Variants in MAP3K5 observed in about 807,000 individuals in gnomAD.
MAP3K5 encodes mitogen-activated protein kinase kinase kinase 5.
A neutral mutation model predicts 158.7 loss-of-function variants in MAP3K5; 56 were observed. That is an observed-to-expected ratio of 0.35 (90% CI 0.28 to 0.44). The LOEUF (loss-of-function observed/expected upper bound fraction) is 0.44. MAP3K5 is among the 20% of genes least tolerant of loss of function. MAP3K5 has a pLI of 1.00. For missense variants in MAP3K5, 1,294 were observed against 1,674.8 expected (o/e 0.77, Z 3.97); for synonymous variants, 579 against 601.7 (o/e 0.96, Z 0.55).
intron 7 of MAP3K5, among the ~76,000 whole-genome samples, chr6:136,685,592 C>T (rs966585297): frequency 6.6e-6 from 1 of 152,144 alleles, no homozygotes; most frequent in Non-Finnish European, 1.5e-5. Flanking sequence ...CTTGGGTTCT[C>T]TTTCCATTGA....
At chr6:136,769,380 C>A (rs1025002724) in intron 1 of MAP3K5, among the ~76,000 whole-genome samples, 1 of 151,988 alleles carries the variant, frequency 6.6e-6, no homozygotes, top group Non-Finnish European at 1.5e-5. Context: ...CAAATTGGTA[C>A]AGGGTTTATT....
chr6:136,663,226 T>A lies in MAP3K5; in HGVS notation c.1367-3848A>T, dbSNP rs1325889419. 2.0e-5 allele frequency among the ~76,000 whole-genome samples: 3 copies of A among 152,182 alleles called. No homozygotes were observed. The South Asian group carries it at 6.2e-4, about 31-fold the overall frequency. On this transcript the variant is annotated intron_variant, in intron 8 of 29. Transcript: ENST00000359015. ...CACCTTATAAGTGGTGGAGGTTAGA[T>A]CCTTTTTAATTTTCCATCATGAAGA...
chr6:136,678,149 T>C (rs911480724), intron 7 of MAP3K5, among the ~76,000 whole-genome samples: 1 of 151,972 alleles, frequency 6.6e-6, no homozygotes. Context: ...ATTTTCTGGG[T>C]TTTTTTTATT....
At chr6:136,675,471 A>T (rs753611257) in intron 7 of MAP3K5, among the ~76,000 whole-genome samples, 23 of 152,126 alleles carry the variant, frequency 1.5e-4, no homozygotes, top group Non-Finnish European at 2.6e-4. Flanking sequence ...TAATTAAACC[A>T]CAGAACAATA....
intron 1 of MAP3K5, among the ~76,000 whole-genome samples, chr6:136,789,132 C>CA (rs202059778): frequency 5.3e-5 from 8 of 151,514 alleles, no homozygotes; most frequent in East Asian, 1.9e-4. Flanking sequence ...CCCGTCTCTA[C>CA]AAAAAAAACA....
chr6:136,757,435 G>C (rs1223389653), intron 1 of MAP3K5, among the ~76,000 whole-genome samples: 1 of 152,112 alleles, frequency 6.6e-6, no homozygotes, highest in Non-Finnish European at 1.5e-5. Flanking sequence ...TGAGCTGTCT[G>C]TCTAGTCAGA....
chr6:136,654,745 CTCT>C (rs1226475494), intron 10 of MAP3K5, among the ~76,000 whole-genome samples: 2 of 152,088 alleles, frequency 1.3e-5, no homozygotes, highest in East Asian at 3.9e-4. Context: ...CATGCCTGGC[CTCT>C]TCTTATTTTA....
chr6:136,712,923 C>T (rs1313801114), intron 2 of MAP3K5, among the ~76,000 whole-genome samples: 3 of 152,142 alleles, frequency 2.0e-5, no homozygotes, highest in Non-Finnish European at 4.4e-5. Flanking sequence ...GTGAGGCCTC[C>T]CCAGCCACAT....
intron 15 of MAP3K5, among the ~76,000 whole-genome samples, chr6:136,619,176 C>T (rs1776696870): frequency 6.6e-6 from 1 of 152,106 alleles, no homozygotes; most frequent in African/African-American, 2.4e-5. Context: ...CAGAGAAGAC[C>T]TCTCTGAGGG....
chr6:136,614,244 G>A lies in MAP3K5; in HGVS notation c.2193C>T (p.His731=). Residue 731 remains histidine, a synonymous_variant, in exon 16 of 30, where the codon CAC becomes CAT. Transcript: ENST00000359015. ...ACTGGACAATATTTTTGTGCTTCAG[G>A]TGTTTATGCAATGCTATTTCTTCAT... ...PLHEEIALHK[H]LKHKNIVQYL... 1 of 1,613,692 alleles carries A rather than the reference G, an allele frequency of 6.2e-7. No individual in the cohort carries two copies. Among genetic ancestry groups the A allele is most frequent in the Non-Finnish European group, 8.5e-7 (1 of 1,179,786 alleles).
At chr6:136,791,120 G>A (rs1785055726) in intron 1 of MAP3K5, among the ~76,000 whole-genome samples, 1 of 152,210 alleles carries the variant, frequency 6.6e-6, no homozygotes, top group South Asian at 2.1e-4. Context: ...AAGTTGTAAT[G>A]TTATTGCCTT....
intron 26 of MAP3K5, among the ~76,000 whole-genome samples, chr6:136,563,934 T>C (rs1357645665): frequency 6.6e-6 from 1 of 152,184 alleles, no homozygotes; most frequent in Admixed American, 6.5e-5. Context: ...CTTGACATAA[T>C]CTGAAGGCAG....
chr6:136,713,200 CCTT>C (rs1286939957), intron 2 of MAP3K5, among the ~76,000 whole-genome samples: 1 of 152,134 alleles, frequency 6.6e-6, no homozygotes, highest in African/African-American at 2.4e-5. Flanking sequence ...CAGAAGTAGT[CCTT>C]CTTACTCTTT....
At chr6:136,691,855 T>C (rs906362998) in intron 7 of MAP3K5, among the ~76,000 whole-genome samples, 1 of 152,158 alleles carries the variant, frequency 6.6e-6, no homozygotes, top group South Asian at 2.1e-4. Context: ...TCCAAATATC[T>C]CCTATAATTC....
chr6:136,773,815 T>G (rs1784304284), intron 1 of MAP3K5, among the ~76,000 whole-genome samples: 1 of 152,030 alleles, frequency 6.6e-6, no homozygotes, highest in Non-Finnish European at 1.5e-5. Context: ...ACCCAGCTAA[T>G]TTTTCTATTT....
intron 7 of MAP3K5, among the ~76,000 whole-genome samples, chr6:136,676,756 A>T: frequency 7.0e-6 from 1 of 143,862 alleles, no homozygotes; most frequent in African/African-American, 2.5e-5. Context: ...TAACTTTCAT[A>T]TGTATTTTAT....
chr6:136,764,605 T>G (rs1220668860), intron 1 of MAP3K5, among the ~76,000 whole-genome samples: 2 of 152,152 alleles, frequency 1.3e-5, no homozygotes, highest in Non-Finnish European at 2.9e-5. Flanking sequence ...CCCACTAAAT[T>G]GTGAGAGATA....
intron 7 of MAP3K5, among the ~76,000 whole-genome samples, chr6:136,671,530 A>C (rs1187008531): frequency 6.6e-6 from 1 of 152,204 alleles, no homozygotes; most frequent in East Asian, 1.9e-4. Context: ...CCACTGCAGG[A>C]AGTGGGAATT....
At chr6:136,576,060 G>C (rs562045194) in intron 25 of MAP3K5, among the ~76,000 whole-genome samples, 1 of 151,836 alleles carries the variant, frequency 6.6e-6, no homozygotes, top group African/African-American at 2.4e-5. Flanking sequence ...TTTATCAGTC[G>C]CAATTCTACT....
Sources: gnomAD v4.1 joint callset for allele counts (sites outside exome capture counted in the v4.1 genomes callset) on GRCh38, gnomAD v4.1.1 for gene constraint, MANE v1.5 for transcripts, NCBI Gene and HGNC (gene_info 2026-07-23, HGNC 2026-07-21) for gene names.